Variants in KIF16B observed in about 807,000 individuals in gnomAD.
The protein encoded by KIF16B is kinesin-like protein KIF16B.
Under a neutral mutation model 156.3 loss-of-function variants are expected in KIF16B, and 98 were observed. The observed-to-expected ratio is 0.63, with a 90% confidence interval of 0.53 to 0.74. The LOEUF is 0.74. Ranked by LOEUF, KIF16B falls within the 30% of genes least tolerant of loss-of-function variation. KIF16B has a pLI of 0.00. For missense variants in KIF16B, 1,421 were observed against 1,606.5 expected, an observed-to-expected ratio of 0.88 and a Z score of 1.97; for synonymous variants, 564 against 583.7, an observed-to-expected ratio of 0.97 and a Z score of 0.49.
chr20:16,531,945 G>A (rs1163827952), intron 1 of KIF16B, among the ~76,000 whole-genome samples: 1 of 151,854 alleles, frequency 6.6e-6, no homozygotes, highest in African/African-American at 2.4e-5. Context: ...GCGGGCACCT[G>A]TAATCCCAGT....
At chr20:16,454,810 T>C (rs1303609779) in intron 12 of KIF16B, among the ~76,000 whole-genome samples, 1 of 152,140 alleles carries the variant, frequency 6.6e-6, no homozygotes, top group Non-Finnish European at 1.5e-5. Context: ...AAACACTGTA[T>C]TTATGAAATA....
At chr20:16,546,341 C>T (rs1352207421) in intron 1 of KIF16B, among the ~76,000 whole-genome samples, 5 of 152,128 alleles carry the variant, frequency 3.3e-5, no homozygotes, top group Non-Finnish European at 7.3e-5. Flanking sequence ...AATATAAGGC[C>T]AGCTATGGAG....
At chr20:16,421,292 T>G (rs910422693) in intron 15 of KIF16B, among the ~76,000 whole-genome samples, 1 of 152,188 alleles carries the variant, frequency 6.6e-6, no homozygotes, top group South Asian at 2.1e-4. Context: ...TTATTATATT[T>G]TAATGACGTT....
intron 23 of KIF16B, among the ~76,000 whole-genome samples, chr20:16,345,022 A>G (rs777620636): frequency 6.6e-6 from 1 of 152,014 alleles, no homozygotes; most frequent in Non-Finnish European, 1.5e-5. Context: ...CCAAGTCATC[A>G]CTTGTCCTTT....
intron 24 of KIF16B, among the ~76,000 whole-genome samples, chr20:16,325,376 G>A (rs1221233477): frequency 1.4e-3 from 7 of 4,876 alleles, no homozygotes; most frequent in East Asian, 0.17. Flanking sequence ...CACTGTTCAC[G>A]AGATATAATT....
chr20:16,473,592 C>T (rs1315532236), intron 12 of KIF16B, among the ~76,000 whole-genome samples: 3 of 152,172 alleles, frequency 2.0e-5, no homozygotes. Flanking sequence ...AGCCAGAAAA[C>T]TATATTCCCA....
intron 25 of KIF16B, among the ~76,000 whole-genome samples, chr20:16,304,197 T>C (rs1310151248): frequency 6.6e-6 from 1 of 152,254 alleles, no homozygotes; most frequent in Non-Finnish European, 1.5e-5. Context: ...TTGAGAATAG[T>C]TGTCTTAATT....
chr20:16,437,691 C>G (rs1038455449), intron 12 of KIF16B, among the ~76,000 whole-genome samples: 2 of 152,022 alleles, frequency 1.3e-5, no homozygotes, highest in Non-Finnish European at 2.9e-5. Context: ...ATTTTTATTG[C>G]TAGGCAAAAA....
chr20:16,290,632 T>C (rs1190112035), intron 25 of KIF16B, among the ~76,000 whole-genome samples: 2 of 152,234 alleles, frequency 1.3e-5, no homozygotes, highest in Admixed American at 6.5e-5. Context: ...GAGCTCTTCC[T>C]GAGTGTCCAG....
chr20:16,378,714 A>AC (rs2065010746), intron 19 of KIF16B, 91 bp downstream of exon 19: 2 of 1,308,934 alleles, frequency 1.5e-6, no homozygotes, highest in Non-Finnish European at 2.1e-6. Context: ...AATAAGTTAA[A>AC]AAAAAAAAAG....
At chr20:16,557,523 C>T (rs1312066285) in intron 1 of KIF16B, among the ~76,000 whole-genome samples, 1 of 152,094 alleles carries the variant, frequency 6.6e-6, no homozygotes, top group Non-Finnish European at 1.5e-5. Context: ...ATAGTCATCA[C>T]AGTAACACCA....
At chr20:16,546,285 C>A (rs982717278) in intron 1 of KIF16B, among the ~76,000 whole-genome samples, 2 of 152,172 alleles carry the variant, frequency 1.3e-5, no homozygotes, top group Admixed American at 1.3e-4. Flanking sequence ...TTGAGCTGCA[C>A]TGATGTACAA....
At chr20:16,404,757 G>A (rs1478636351) in intron 17 of KIF16B, 56 bp downstream of exon 17, 3 of 1,330,080 alleles carry the variant, frequency 2.3e-6, no homozygotes, top group African/African-American at 1.4e-5. Context: ...AATGGAGTTG[G>A]CACAATAAAT....
intron 3 of KIF16B, among the ~76,000 whole-genome samples, chr20:16,525,220 C>T (rs1216732939): frequency 6.6e-6 from 1 of 152,136 alleles, no homozygotes; most frequent in African/African-American, 2.4e-5. Context: ...TCATACCCTA[C>T]TTTTCGAGAT....
rs1019983546 is a variant in KIF16B, at chr20:16,529,848, G to A, written c.48-1408C>T. On this transcript the variant is annotated intron_variant, in intron 1 of 25. Coordinates refer to ENST00000354981, the MANE Select transcript of KIF16B (RefSeq NM_024704.5). Reference sequence around the variant, plus strand: ...TGCCTGTAATCCCAGCTACTCGGGAGGCTGAGGCAGGAGAATCACTTGAAT... The same window carrying A: ...TGCCTGTAATCCCAGCTACTCGGGAAGCTGAGGCAGGAGAATCACTTGAAT... Among the ~76,000 whole-genome samples the A allele has an allele frequency of 2.6e-5, 4 of 152,250 alleles. 1 individual carries two copies.
intron 10 of KIF16B, among the ~76,000 whole-genome samples, chr20:16,503,364 A>G (rs1304230638): frequency 6.6e-6 from 1 of 152,224 alleles, no homozygotes; most frequent in Non-Finnish European, 1.5e-5. Flanking sequence ...GATATTTTTA[A>G]GCACAATGAA....
At chr20:16,446,389 G>A (rs1310031794) in intron 12 of KIF16B, among the ~76,000 whole-genome samples, 1 of 152,132 alleles carries the variant, frequency 6.6e-6, no homozygotes, top group African/African-American at 2.4e-5. Context: ...CCGGCTGTCT[G>A]GCTTCAGTAG....
intron 15 of KIF16B, among the ~76,000 whole-genome samples, chr20:16,406,834 C>A (rs951935446): frequency 3.3e-5 from 5 of 152,092 alleles, no homozygotes; most frequent in African/African-American, 1.2e-4. Flanking sequence ...ATGGTCACAA[C>A]TTTAGGAATG....
Position 16,278,011 on chromosome 20 carries a change from C to A in KIF16B, c.3796-4600G>T, listed in dbSNP as rs533775286. On this transcript the variant is annotated intron_variant, in intron 25 of 25. Coordinates refer to ENST00000354981, the MANE Select transcript of KIF16B (RefSeq NM_024704.5). Reference sequence around the variant, plus strand: ...AGCAAAAGCACCTCCTAGGGTTGCACAACATTATGGCCCTGACTTGGATAG... The same window carrying A: ...AGCAAAAGCACCTCCTAGGGTTGCAAAACATTATGGCCCTGACTTGGATAG... 2.0e-5 allele frequency among the ~76,000 whole-genome samples: 3 copies of A among 152,278 alleles called. No homozygotes were observed. In the South Asian group the frequency reaches 6.2e-4, roughly 32 times the overall value.
Sources: gnomAD v4.1 joint callset for allele counts (sites outside exome capture counted in the v4.1 genomes callset) on GRCh38, gnomAD v4.1.1 for gene constraint, MANE v1.5 for transcripts, NCBI Gene and HGNC (gene_info 2026-07-23, HGNC 2026-07-21) for gene names.